Variants in BRINP3 observed in about 807,000 individuals in gnomAD.
The protein encoded by BRINP3 is BMP/retinoic acid inducible neural specific 3.
A neutral mutation model predicts 71.0 loss-of-function variants in BRINP3; 19 were observed. The ratio of observed to expected loss-of-function variants is 0.27; its 90% confidence interval spans 0.19 to 0.39. The LOEUF is 0.39. Ranked by LOEUF, BRINP3 falls within the 10% of genes least tolerant of loss-of-function variation. The pLI, the probability that BRINP3 is intolerant of heterozygous loss-of-function variation, is 1.00. For synonymous variants in BRINP3, 380 were observed against 337.7 expected, an observed-to-expected ratio of 1.13 and a Z score of -1.37; for missense variants, 959 against 940.8, an observed-to-expected ratio of 1.02 and a Z score of -0.25.
intron 4 of BRINP3, among the ~76,000 whole-genome samples, chr1:190,248,916 A>G (rs1659863451): frequency 6.6e-6 from 1 of 151,848 alleles, no homozygotes; most frequent in African/African-American, 2.4e-5. Context: ...TATTCTCAAA[A>G]GCAAATTATT....
chr1:190,331,919 C>A (rs1666989358), intron 2 of BRINP3, among the ~76,000 whole-genome samples: 1 of 151,904 alleles, frequency 6.6e-6, no homozygotes, highest in South Asian at 2.1e-4. Flanking sequence ...CAAGGAAATT[C>A]ATTTTGTTAT....
chr1:190,256,704 T>G (rs1660692376), intron 4 of BRINP3, among the ~76,000 whole-genome samples: 1 of 152,146 alleles, frequency 6.6e-6, no homozygotes, highest in African/African-American at 2.4e-5. Flanking sequence ...CTCTCACCAT[T>G]TGCTTGTCTG....
At chr1:190,311,243 G>A (rs1665496935) in intron 2 of BRINP3, among the ~76,000 whole-genome samples, 2 of 151,588 alleles carry the variant, frequency 1.3e-5, no homozygotes, top group Admixed American at 6.6e-5. Context: ...CTTCATAGAA[G>A]ACACAGCATT....
intron 2 of BRINP3, among the ~76,000 whole-genome samples, chr1:190,324,855 T>C (rs556599645): frequency 1.1e-3 from 170 of 152,018 alleles, no homozygotes; most frequent in Middle Eastern, 3.4e-3. Context: ...AGAAAAGCAA[T>C]ATTGATTACC....
At chr1:190,395,760 CT>C (rs1187746399) in intron 2 of BRINP3, among the ~76,000 whole-genome samples, 1 of 151,774 alleles carries the variant, frequency 6.6e-6, no homozygotes, top group African/African-American at 2.4e-5. Context: ...ATCAACGATT[CT>C]TAACTAAGTT....
At chr1:190,099,621 G>C (rs996210455) in intron 7 of BRINP3, among the ~76,000 whole-genome samples, 1 of 152,068 alleles carries the variant, frequency 6.6e-6, no homozygotes, top group Non-Finnish European at 1.5e-5. Flanking sequence ...GTTGCAGGAA[G>C]GATGAATAGA....
chr1:190,471,188 A>C (rs926679992), intron 1 of BRINP3, among the ~76,000 whole-genome samples: 1 of 151,100 alleles, frequency 6.6e-6, no homozygotes, highest in African/African-American at 2.4e-5. Flanking sequence ...TATGGTGGCT[A>C]TTTGATGCTA....
At chr1:190,163,242 C>G (rs1045348907) in intron 6 of BRINP3, among the ~76,000 whole-genome samples, 2 of 151,900 alleles carry the variant, frequency 1.3e-5, no homozygotes, top group African/African-American at 4.8e-5. Flanking sequence ...AACATTTTAT[C>G]TTATAGGAAT....
intron 1 of BRINP3, among the ~76,000 whole-genome samples, chr1:190,472,015 A>T (rs566607855): frequency 6.6e-6 from 1 of 151,764 alleles, no homozygotes; most frequent in South Asian, 2.1e-4. Flanking sequence ...GCATTAAAAA[A>T]AAGTTGAGTC....
At chr1:190,237,649 T>C (rs1023682619) in intron 4 of BRINP3, among the ~76,000 whole-genome samples, 9 of 152,012 alleles carry the variant, frequency 5.9e-5, no homozygotes, top group African/African-American at 1.9e-4. Context: ...CTAGGAGTAA[T>C]TGCACTTCAA....
rs112241611 is a variant in BRINP3, at chr1:190,293,940, C to T, written c.237-12190G>A. The stretch of plus-strand genomic sequence containing the variant: ...AGGTAAAGTGGATTGTTTGTAGGCA[C>T]CATACAGTCAGATTTAGCTTTTTGT... On this transcript the variant is annotated intron_variant, in intron 2 of 7. Transcript: ENST00000367462. 3.5e-3 allele frequency among the ~76,000 whole-genome samples: 539 copies of T among 152,130 alleles called. 5 individuals are homozygous for T. Among genetic ancestry groups the T allele is most frequent in the African/African-American group, 0.012 (501 of 41,494 alleles).
rs149324327 is a variant in BRINP3, at chr1:190,244,872, T to G, written c.619-10395A>C. 1.3e-3 allele frequency among the ~76,000 whole-genome samples: 205 copies of G among 152,204 alleles called. 6 individuals carry two copies. The East Asian group carries it at 0.037, about 28-fold the overall frequency. On this transcript the variant is annotated intron_variant, in intron 4 of 7. Transcript: ENST00000367462. ...AATACTTCTATCAAAAATTTTCAAT[T>G]TCTCCTCTGAAATTCCATATTTAAT... is the stretch of plus-strand genomic sequence containing the variant.
chr1:190,446,946 AAGAT>A (rs1675256799), intron 2 of BRINP3, among the ~76,000 whole-genome samples: 1 of 152,006 alleles, frequency 6.6e-6, no homozygotes, highest in Non-Finnish European at 1.5e-5. Context: ...GACAGATAGA[AAGAT>A]AGAAATAAAA....
intron 6 of BRINP3, among the ~76,000 whole-genome samples, chr1:190,222,891 C>A (rs1657016902): frequency 1.3e-5 from 2 of 151,602 alleles, no homozygotes; most frequent in African/African-American, 4.8e-5. Context: ...CTATTGTGAA[C>A]AACTGCATGC....
intron 2 of BRINP3, among the ~76,000 whole-genome samples, chr1:190,377,123 G>T (rs1670233906): frequency 6.6e-6 from 1 of 151,460 alleles, no homozygotes; most frequent in South Asian, 2.1e-4. Context: ...ATAGCTAATG[G>T]TTGCTATATT....
chr1:190,280,799 T>C (rs1000965191), intron 3 of BRINP3, among the ~76,000 whole-genome samples: 2 of 151,916 alleles, frequency 1.3e-5, no homozygotes, highest in Non-Finnish European at 2.9e-5. Context: ...CTAAATGCAA[T>C]TGTGGGACAT....
intron 2 of BRINP3, among the ~76,000 whole-genome samples, chr1:190,376,321 A>C (rs1200444488): frequency 6.6e-6 from 1 of 152,034 alleles, no homozygotes; most frequent in Admixed American, 6.6e-5. Flanking sequence ...CAGTCAAAGG[A>C]ATGCACATTT....
At chr1:190,419,808 A>AAAAT (rs1325770496) in intron 2 of BRINP3, among the ~76,000 whole-genome samples, 1 of 151,934 alleles carries the variant, frequency 6.6e-6, no homozygotes, top group Non-Finnish European at 1.5e-5. Context: ...ATGTTAAAGC[A>AAAAT]AAATACTGGT....
At chr1:190,209,002 G>A (rs1571368128) in intron 6 of BRINP3, among the ~76,000 whole-genome samples, 1 of 151,946 alleles carries the variant, frequency 6.6e-6, no homozygotes, top group African/African-American at 2.4e-5. Context: ...CATTATAAGT[G>A]GTTCATTACA....
Sources: gnomAD v4.1 joint callset for allele counts (sites outside exome capture counted in the v4.1 genomes callset) on GRCh38, gnomAD v4.1.1 for gene constraint, MANE v1.5 for transcripts, NCBI Gene and HGNC (gene_info 2026-07-23, HGNC 2026-07-21) for gene names.